The following ENAH variants were observed in gnomAD, a reference collection of about 807,000 sequenced individuals.
The protein encoded by ENAH is protein enabled homolog.
Under a neutral mutation model 78.7 loss-of-function variants are expected in ENAH, and 23 were observed. That is an observed-to-expected ratio of 0.29 (90% CI 0.21 to 0.41). ENAH has a LOEUF of 0.41. Among genes scored for constraint, ENAH ranks in the 10% least tolerant of loss-of-function variants. The pLI, the probability that ENAH is intolerant of heterozygous loss-of-function variation, is 1.00. For missense variants in ENAH, 544 were observed against 691.0 expected, an observed-to-expected ratio of 0.79 and a Z score of 2.39; for synonymous variants, 226 against 241.0, an observed-to-expected ratio of 0.94 and a Z score of 0.58.
At position 225,495,954 on chromosome 1, in the gene ENAH, C is replaced by T. The variant is rs1400611952; in HGVS notation, c.*1821G>A. ...AAAAAAAAATCCCTCATCCAAACTT[C>T]TTTGTAGTGGTAAAGGCTGCAAATT... On this transcript the variant is annotated 3_prime_UTR_variant, in exon 14 of 14. Coordinates refer to ENST00000366843, the MANE Select transcript of ENAH (RefSeq NM_018212.6). 1.0e-4 allele frequency: 16 copies of T among 152,558 alleles called. No individual in the cohort carries two copies. The allele number at this position is 152,558 out of a possible 1,614,324, so 9.5% of individuals were successfully genotyped here.
chr1:225,621,538 C>T (rs537866330), intron 1 of ENAH, among the ~76,000 whole-genome samples: 6 of 151,842 alleles, frequency 4.0e-5, no homozygotes, highest in South Asian at 2.1e-4. Context: ...GTGATCCGCC[C>T]GCCTCGGCCT....
intron 1 of ENAH, among the ~76,000 whole-genome samples, chr1:225,603,404 G>A (rs1350385668): frequency 6.6e-6 from 1 of 152,002 alleles, no homozygotes; most frequent in Non-Finnish European, 1.5e-5. Flanking sequence ...GTAATTTGCA[G>A]CTTCTATAAA....
chr1:225,516,491 C>G (rs9887963), intron 6 of ENAH, among the ~76,000 whole-genome samples: 28 of 152,170 alleles, frequency 1.8e-4, no homozygotes, highest in Non-Finnish European at 2.9e-5. Flanking sequence ...ATATATCTCT[C>G]TAAGTCTCCC....
rs372897303 is a variant in ENAH at position 225,614,955 on chromosome 1, T to C, written c.5+37731A>G. ...CTCAATACCCTTCTCCATACACAAATCCTTAAGAGTAATACTTTTCTCCCT... is the reference window on the plus strand; with the variant it reads ...CTCAATACCCTTCTCCATACACAAACCCTTAAGAGTAATACTTTTCTCCCT... On this transcript the variant is annotated intron_variant, in intron 1 of 13. Transcript: ENST00000366843. Among the ~76,000 whole-genome samples, 111 of 152,090 alleles carry C rather than the reference T, an allele frequency of 7.3e-4. 1 individual carries two copies. Among genetic ancestry groups the C allele is most frequent in the African/African-American group, 2.5e-3 (104 of 41,476 alleles).
intron 1 of ENAH, among the ~76,000 whole-genome samples, chr1:225,621,561 G>A (rs1030892137): frequency 6.6e-6 from 1 of 151,742 alleles, no homozygotes; most frequent in Middle Eastern, 3.2e-3. Flanking sequence ...CAAAGTGCTG[G>A]GATTACAGGC....
chr1:225,637,801 T>C (rs1204444731), intron 1 of ENAH, among the ~76,000 whole-genome samples: 1 of 152,170 alleles, frequency 6.6e-6, no homozygotes, highest in Non-Finnish European at 1.5e-5. Context: ...CAGGTGCCTA[T>C]AGTCCCAGCT....
At chr1:225,562,281 C>G (rs1020669586) in intron 2 of ENAH, among the ~76,000 whole-genome samples, 1 of 151,406 alleles carries the variant, frequency 6.6e-6, no homozygotes, top group Non-Finnish European at 1.5e-5. Context: ...CTATATAAAA[C>G]CCAAGCACAG....
rs553360412 is a variant in ENAH at position 225,615,571 on chromosome 1, C to T, written c.5+37115G>A. 4.1e-4 allele frequency among the ~76,000 whole-genome samples: 62 copies of T among 151,726 alleles called. 3 individuals are homozygous for T. The highest frequency in any genetic ancestry group is 1.5e-3 in the African/African-American group (60 of 41,338). On this transcript the variant is annotated intron_variant, in intron 1 of 13. Transcript: ENST00000366843. Reference sequence around the variant, plus strand: ...CTGGGAAGTGAGGAGCGCCTCTTCCCGGCTGCCAGCCCGTCTGGGAAGTGA... The same window carrying T: ...CTGGGAAGTGAGGAGCGCCTCTTCCTGGCTGCCAGCCCGTCTGGGAAGTGA...
At chr1:225,652,578 G>A (rs929912067) in intron 1 of ENAH, 108 bp downstream of exon 1, 11 of 1,143,224 alleles carry the variant, frequency 9.6e-6, no homozygotes, top group Non-Finnish European at 1.1e-5. Flanking sequence ...CCGGAGACCA[G>A]GGGAGACGCG....
chr1:225,632,455 G>A (rs965924764), intron 1 of ENAH, among the ~76,000 whole-genome samples: 2 of 146,986 alleles, frequency 1.4e-5, no homozygotes, highest in African/African-American at 5.0e-5. Flanking sequence ...CCAAGATCAC[G>A]CCATGGCACT....
At chr1:225,542,212 A>G (rs2096592961) in intron 3 of ENAH, among the ~76,000 whole-genome samples, 1 of 152,210 alleles carries the variant, frequency 6.6e-6, no homozygotes, top group Admixed American at 6.5e-5. Context: ...AGAACTGGAC[A>G]TAAAGAATGA....
intron 6 of ENAH, 41 bp from the exon 7 acceptor site, chr1:225,514,941 G>A (rs2096406281): frequency 1.3e-6 from 2 of 1,500,496 alleles, no homozygotes; most frequent in African/African-American, 1.4e-5. Flanking sequence ...CAACAATAGA[G>A]CTGAGTGATA....
intron 1 of ENAH, 164 bp downstream of exon 1, chr1:225,652,522 G>A (rs1663210451): frequency 3.6e-6 from 3 of 844,534 alleles, no homozygotes; most frequent in Non-Finnish European, 4.3e-6. Flanking sequence ...TTCCAAGAAA[G>A]AAAGAGAAAT....
intron 1 of ENAH, among the ~76,000 whole-genome samples, chr1:225,582,157 T>TCCCC (rs199559593): frequency 6.6e-6 from 1 of 151,366 alleles, no homozygotes; most frequent in African/African-American, 2.4e-5. Flanking sequence ...CTGGTTGTCT[T>TCCCC]CCCCCCCTCT....
rs2096232437 is a variant in ENAH at position 225,493,362 on chromosome 1, C to G, written c.*4413G>C. The G allele has an allele frequency of 6.6e-6, 1 of 152,214 alleles. No individual in the cohort carries two copies. The highest frequency in any genetic ancestry group is 2.4e-5 in the African/African-American group (1 of 41,456). The allele number at this position is 152,214 out of a possible 1,614,324, so 9.4% of individuals were successfully genotyped here. A position where few individuals can be genotyped will look rare whatever the true frequency, so the allele number is the denominator to read the frequency against. On this transcript the variant is annotated 3_prime_UTR_variant, in exon 14 of 14. Transcript: ENST00000366843. Reference sequence around the variant, plus strand: ...AAACTCTTCTTTAAGTAATTGTCCTCTACTATGTCTTTACATAGCCAAAGC... The same window carrying G: ...AAACTCTTCTTTAAGTAATTGTCCTGTACTATGTCTTTACATAGCCAAAGC...
chr1:225,630,237 A>C (rs950224556), intron 1 of ENAH, among the ~76,000 whole-genome samples: 2 of 149,384 alleles, frequency 1.3e-5, no homozygotes, highest in African/African-American at 4.9e-5. Context: ...ACAGAAAGTA[A>C]TTTTTTTTTT....
intron 1 of ENAH, among the ~76,000 whole-genome samples, chr1:225,617,214 T>C (rs1655915907): frequency 6.6e-6 from 1 of 152,236 alleles, no homozygotes; most frequent in Admixed American, 6.5e-5. Context: ...CTGTCTTCCT[T>C]ATAGTTAGTT....
At chr1:225,625,700 G>A in intron 1 of ENAH, among the ~76,000 whole-genome samples, 1 of 152,128 alleles carries the variant, frequency 6.6e-6, no homozygotes, top group East Asian at 1.9e-4. Context: ...TATTTTTAGA[G>A]AGACAGGGTT....
chr1:225,639,642 T>C (rs1444611868), intron 1 of ENAH, among the ~76,000 whole-genome samples: 2 of 151,962 alleles, frequency 1.3e-5, no homozygotes, highest in African/African-American at 4.8e-5. Context: ...ATCTCTTTCC[T>C]TTATAAATTA....
Sources: gnomAD v4.1 joint callset for allele counts (sites outside exome capture counted in the v4.1 genomes callset) on GRCh38, gnomAD v4.1.1 for gene constraint, MANE v1.5 for transcripts, NCBI Gene and HGNC (gene_info 2026-07-23, HGNC 2026-07-21) for gene names.